TRPM3: variants seen among roughly 807,000 people sequenced by gnomAD.
TRPM3 encodes the protein transient receptor potential cation channel subfamily M member 3, also known as long transient receptor potential channel 3.
A neutral mutation model predicts 181.2 loss-of-function variants in TRPM3; 77 were observed. That is an observed-to-expected ratio of 0.42 (90% CI 0.35 to 0.51). The LOEUF is 0.51. Ranked by LOEUF, TRPM3 falls within the 20% of genes least tolerant of loss-of-function variation. TRPM3 has a pLI of 0.01. For synonymous variants in TRPM3, 745 were observed against 796.4 expected (o/e 0.94, Z 1.09); for missense variants, 1,759 against 2,196.7 (o/e 0.80, Z 3.98).
At chr9:70,567,084 C>T (rs1040698000) in intron 22 of TRPM3, among the ~76,000 whole-genome samples, 4 of 152,212 alleles carry the variant, frequency 2.6e-5, no homozygotes, top group Non-Finnish European at 5.9e-5. Flanking sequence ...GCTTAGCTCA[C>T]ACTGTTTACT....
At chr9:71,354,611 A>T (rs1413104299) in intron 1 of TRPM3, among the ~76,000 whole-genome samples, 1 of 152,224 alleles carries the variant, frequency 6.6e-6, no homozygotes, top group East Asian at 1.9e-4. Context: ...ATTTTTCATC[A>T]TCAACTTACA....
intron 5 of TRPM3, among the ~76,000 whole-genome samples, chr9:70,838,938 T>C (rs540801278): frequency 3.9e-4 from 59 of 152,232 alleles, no homozygotes; most frequent in Middle Eastern, 3.4e-3. Flanking sequence ...AGATCACACA[T>C]CTTTCAAAAG....
intron 23 of TRPM3, 50 bp from the exon 24 acceptor site, chr9:70,553,093 G>A: frequency 6.2e-7 from 1 of 1,613,416 alleles, no homozygotes; most frequent in Non-Finnish European, 8.5e-7. Context: ...ACTGTTTTCT[G>A]AAGCATCGAC....
At chr9:71,199,634 A>C (rs980508150) in intron 1 of TRPM3, among the ~76,000 whole-genome samples, 4 of 152,024 alleles carry the variant, frequency 2.6e-5, no homozygotes, top group Non-Finnish European at 5.9e-5. Flanking sequence ...TTATCCATTT[A>C]TTCTAGATTT....
chr9:70,959,730 C>T (rs745613498), intron 1 of TRPM3, among the ~76,000 whole-genome samples: 17 of 152,122 alleles, frequency 1.1e-4, no homozygotes, highest in Admixed American at 2.6e-4. Flanking sequence ...ATAACTCTTC[C>T]GCACCATTTT....
At chr9:70,835,009 C>T (rs2094210014) in intron 5 of TRPM3, among the ~76,000 whole-genome samples, 1 of 152,152 alleles carries the variant, frequency 6.6e-6, no homozygotes, top group Non-Finnish European at 1.5e-5. Flanking sequence ...TTGGTGCCCT[C>T]CCCACGGTAA....
chr9:70,572,542 T>G (rs2052722963), intron 22 of TRPM3, among the ~76,000 whole-genome samples: 1 of 152,198 alleles, frequency 6.6e-6, no homozygotes, highest in Non-Finnish European at 1.5e-5. Context: ...TTCTACAGTC[T>G]CTCATTTTTT....
intron 1 of TRPM3, among the ~76,000 whole-genome samples, chr9:71,004,410 G>A (rs559347081): frequency 6.6e-6 from 1 of 152,354 alleles, no homozygotes; most frequent in Non-Finnish European, 1.5e-5. Context: ...AATGCTCACT[G>A]TAAGTCTTCC....
chr9:70,797,857 G>A (rs936669139), intron 6 of TRPM3, among the ~76,000 whole-genome samples: 48 of 152,272 alleles, frequency 3.2e-4, no homozygotes, highest in African/African-American at 1.1e-3. Flanking sequence ...TGTGCAGTGA[G>A]GTGAGCAGGT....
chr9:71,037,302 A>G (rs1044342332), intron 1 of TRPM3, among the ~76,000 whole-genome samples: 3 of 152,172 alleles, frequency 2.0e-5, no homozygotes, highest in African/African-American at 7.2e-5. Context: ...TAGTCCATAC[A>G]CCTCAGAGTT....
intron 5 of TRPM3, among the ~76,000 whole-genome samples, chr9:70,832,362 A>G (rs1449955749): frequency 2.0e-5 from 3 of 152,054 alleles, no homozygotes; most frequent in Non-Finnish European, 4.4e-5. Context: ...GACACTTAGT[A>G]CTCTCTGAGC....
chr9:71,300,723 GTTC>G (rs141444175), intron 1 of TRPM3, among the ~76,000 whole-genome samples: 1 of 152,150 alleles, frequency 6.6e-6, no homozygotes, highest in African/African-American at 2.4e-5. Context: ...AGCCTTGCCA[GTTC>G]TTTTTTTCTT....
chr9:70,620,036 C>T (rs773812896), intron 16 of TRPM3, 40 bp downstream of exon 16: 4 of 1,565,694 alleles, frequency 2.6e-6, no homozygotes, highest in Non-Finnish European at 2.6e-6. Flanking sequence ...CACCTTTCCT[C>T]CTCTCCCCCT....
chr9:71,182,330 T>C lies in TRPM3; in HGVS notation c.183+264323A>G, dbSNP rs13285049. 2.9e-3 allele frequency among the ~76,000 whole-genome samples: 447 copies of C among 152,180 alleles called. 1 individual carries two copies. Among genetic ancestry groups the C allele is most frequent in the Non-Finnish European group, 5.4e-3 (367 of 67,982 alleles). The stretch of plus-strand genomic sequence containing the variant: ...AGAGATGCACACAACTCCCTCTCCA[T>C]GGAATTTTACTTCCCCAACAATAGC... On this transcript the variant is annotated intron_variant, in intron 1 of 24. Coordinates refer to the TRPM3 transcript ENST00000357533.
intron 1 of TRPM3, among the ~76,000 whole-genome samples, chr9:71,296,237 T>C (rs35192853): frequency 2.7e-3 from 418 of 152,092 alleles, no homozygotes; most frequent in African/African-American, 9.5e-3. Flanking sequence ...GAAATGAAAA[T>C]AAGAGATTAT....
chr9:70,553,443 C>G, intron 22 of TRPM3, 133 bp from the exon 23 acceptor site: 2 of 1,173,252 alleles, frequency 1.7e-6, no homozygotes. Context: ...AAGTTCCAAA[C>G]AAGCCAAAAT....
intron 1 of TRPM3, among the ~76,000 whole-genome samples, chr9:71,213,997 C>T (rs567971775): frequency 2.5e-4 from 38 of 152,192 alleles, no homozygotes; most frequent in African/African-American, 8.9e-4. Context: ...TCTTTAAATG[C>T]TTTGTTTTCT....
At chr9:71,429,099 A>C (rs2131597384) in intron 1 of TRPM3, among the ~76,000 whole-genome samples, 1 of 152,314 alleles carries the variant, frequency 6.6e-6, no homozygotes, top group African/African-American at 2.4e-5. Flanking sequence ...ATGAGAAAAT[A>C]CTTTGACTAA....
At chr9:71,092,227 A>C (rs2066346854) in intron 1 of TRPM3, among the ~76,000 whole-genome samples, 1 of 152,158 alleles carries the variant, frequency 6.6e-6, no homozygotes, top group Non-Finnish European at 1.5e-5. Flanking sequence ...ATGGCTGTAA[A>C]ATGGGAGCAC....
Sources: gnomAD v4.1 joint callset for allele counts (sites outside exome capture counted in the v4.1 genomes callset) on GRCh38, gnomAD v4.1.1 for gene constraint, MANE v1.5 for transcripts, NCBI Gene and HGNC (gene_info 2026-07-23, HGNC 2026-07-21) for gene names.